ERCC6L2: variants seen among roughly 807,000 people sequenced by gnomAD.
ERCC6L2 encodes DNA excision repair protein ERCC-6-like 2.
In ERCC6L2, 77 loss-of-function variants were observed where a neutral mutation model predicts 132.0. That is an observed-to-expected ratio of 0.58 (90% CI 0.49 to 0.71). The LOEUF is 0.71. Among genes scored for constraint, ERCC6L2 ranks in the 30% least tolerant of loss-of-function variants. ERCC6L2 has a pLI of 0.00. For synonymous variants in ERCC6L2, 583 were observed against 632.4 expected (o/e 0.92, Z 1.17); for missense variants, 1,542 against 1,837.6 (o/e 0.84, Z 2.94).
At chr9:96,037,697 G>A (rs1834535585) in intron 19 of ERCC6L2, among the ~76,000 whole-genome samples, 1 of 152,138 alleles carries the variant, frequency 6.6e-6, no homozygotes. Context: ...GACTGCGCCA[G>A]GACAGCAGGT....
At chr9:95,914,044 A>G (rs980672757) in intron 4 of ERCC6L2, among the ~76,000 whole-genome samples, 1 of 152,186 alleles carries the variant, frequency 6.6e-6, no homozygotes, top group African/African-American at 2.4e-5. Context: ...TATGCTAAGT[A>G]TATGTTTAAC....
At chr9:95,980,964 A>G (rs1213073528) in intron 17 of ERCC6L2, among the ~76,000 whole-genome samples, 1 of 152,144 alleles carries the variant, frequency 6.6e-6, no homozygotes, top group African/African-American at 2.4e-5. Context: ...CTGTCATCAC[A>G]GTTTTATTAA....
At chr9:95,953,574 C>CA (rs556745003) in intron 12 of ERCC6L2, among the ~76,000 whole-genome samples, 22,967 of 85,434 alleles carry the variant, frequency 0.27, 1,882 homozygotes, top group Middle Eastern at 0.4. Context: ...GACTCTGTCT[C>CA]AAAAAAAAAA....
chr9:95,966,787 C>G (rs1220783615), intron 14 of ERCC6L2, 73 bp downstream of exon 14: 2 of 1,233,398 alleles, frequency 1.6e-6, no homozygotes, highest in African/African-American at 1.6e-5. Context: ...ATCTGAAATA[C>G]AATTGCTGTT....
intron 2 of ERCC6L2, among the ~76,000 whole-genome samples, chr9:95,890,702 T>C (rs975833888): frequency 2.0e-5 from 3 of 152,160 alleles, no homozygotes; most frequent in Non-Finnish European, 4.4e-5. Flanking sequence ...GTGTCTCGCT[T>C]TTTTGCCCAG....
intron 2 of ERCC6L2, among the ~76,000 whole-genome samples, chr9:95,895,570 T>C (rs925274035): frequency 1.3e-5 from 2 of 152,142 alleles, no homozygotes; most frequent in African/African-American, 4.8e-5. Context: ...TCTTTTATTC[T>C]TCTATTAATG....
At chr9:95,938,685 T>A (rs1830665186) in intron 11 of ERCC6L2, among the ~76,000 whole-genome samples, 1 of 152,174 alleles carries the variant, frequency 6.6e-6, no homozygotes, top group Admixed American at 6.6e-5. Flanking sequence ...TTTATCATCC[T>A]TTCACTCTCA....
At chr9:95,943,823 G>C (rs1308027109) in intron 12 of ERCC6L2, among the ~76,000 whole-genome samples, 5 of 152,162 alleles carry the variant, frequency 3.3e-5, no homozygotes, top group African/African-American at 1.2e-4. Flanking sequence ...ACACACGTTG[G>C]ATGACTATTG....
rs186722639 is a variant in ERCC6L2, at chr9:95,919,592, G to C, written c.1159-1583G>C. On this transcript the variant is annotated intron_variant, in intron 6 of 18. Transcript: ENST00000653738. ...CACCTGGTTCTCTATGGAAAGGATT[G>C]TCAATGCTGTGGAGAAGAACCCTGA... 3.3e-5 allele frequency among the ~76,000 whole-genome samples: 5 copies of C among 152,274 alleles called. No individual in the cohort carries two copies. The East Asian group carries it at 9.6e-4, about 29-fold the overall frequency.
chr9:95,952,185 A>AAAAAAAAAAAAT (rs1831367719), intron 12 of ERCC6L2, among the ~76,000 whole-genome samples: 2 of 150,048 alleles, frequency 1.3e-5, no homozygotes, highest in African/African-American at 2.4e-5. Flanking sequence ...AAAAAAAAAA[A>AAAAAAAAAAAAT]GAATTTGCAC....
intron 17 of ERCC6L2, among the ~76,000 whole-genome samples, chr9:95,993,308 C>G (rs542676107): frequency 6.6e-6 from 1 of 152,236 alleles, no homozygotes; most frequent in East Asian, 1.9e-4. Flanking sequence ...CTATCCTGCT[C>G]TAGCCTTTGT....
At chr9:95,894,417 A>G (rs914163525) in intron 2 of ERCC6L2, among the ~76,000 whole-genome samples, 3 of 152,044 alleles carry the variant, frequency 2.0e-5, no homozygotes, top group African/African-American at 4.8e-5. Context: ...TTTATAATTT[A>G]TATTGTGAGT....
chr9:95,886,726 A>T (rs138360435), intron 2 of ERCC6L2, among the ~76,000 whole-genome samples: 1 of 152,340 alleles, frequency 6.6e-6, no homozygotes, highest in African/African-American at 2.4e-5. Flanking sequence ...ACTTGATTGG[A>T]TTGAAGGATA....
At chr9:96,004,440 A>T in intron 17 of ERCC6L2, 80 bp from the exon 18 acceptor site, 2 of 780,748 alleles carry the variant, frequency 2.6e-6, no homozygotes, top group Non-Finnish European at 3.7e-6. Context: ...GAGTATTGAG[A>T]AAAAGTAAGA....
chr9:96,007,722 G>A (rs536229707), intron 18 of ERCC6L2, among the ~76,000 whole-genome samples: 7 of 152,260 alleles, frequency 4.6e-5, no homozygotes, highest in Admixed American at 1.3e-4. Flanking sequence ...CCAGGGGCAC[G>A]GAGGGATGGC....
At chr9:96,023,787 A>C (rs1564310355) in intron 19 of ERCC6L2, among the ~76,000 whole-genome samples, 1 of 152,160 alleles carries the variant, frequency 6.6e-6, no homozygotes, top group Non-Finnish European at 1.5e-5. Flanking sequence ...CAGAACAAGA[A>C]ATTAAGGATG....
intron 19 of ERCC6L2, among the ~76,000 whole-genome samples, chr9:96,029,362 G>C (rs550197192): frequency 2.3e-4 from 34 of 149,866 alleles, no homozygotes; most frequent in Admixed American, 6.7e-4. Flanking sequence ...GGATAAGTTA[G>C]TTAGGATAAG....
intron 19 of ERCC6L2, among the ~76,000 whole-genome samples, chr9:96,031,885 C>T (rs1834464748): frequency 6.6e-6 from 1 of 152,146 alleles, no homozygotes; most frequent in Admixed American, 6.5e-5. Context: ...GTCCTGAGTC[C>T]GTGTAAACAG....
At chr9:95,954,769 T>A (rs991955351) in intron 12 of ERCC6L2, 2 of 470,986 alleles carry the variant, frequency 4.2e-6, no homozygotes, top group Non-Finnish European at 8.8e-6. Context: ...GCTGAGCCCC[T>A]CTCCTCTGCT....
Sources: allele counts gnomAD v4.1 joint callset (sites outside exome capture counted in the v4.1 genomes callset), GRCh38; gene constraint gnomAD v4.1.1; transcripts MANE v1.5; gene names NCBI Gene and HGNC (gene_info 2026-07-23, HGNC 2026-07-21).